ADGRL2: variants seen among roughly 807,000 people sequenced by gnomAD.
ADGRL2 encodes calcium-independent alpha-latrotoxin receptor 2.
In ADGRL2, 44 loss-of-function variants were observed where a neutral mutation model predicts 157.4. The ratio of observed to expected loss-of-function variants is 0.28; its 90% confidence interval spans 0.22 to 0.36. ADGRL2 has a LOEUF of 0.36. Among genes scored for constraint, ADGRL2 ranks in the 10% least tolerant of loss-of-function variants. ADGRL2 has a pLI of 1.00. For synonymous variants in ADGRL2, 585 were observed against 624.7 expected (o/e 0.94, Z 0.95); for missense variants, 1,510 against 1,768.9 (o/e 0.85, Z 2.63).
At chr1:81,445,815 G>T (rs1466184344) in intron 2 of ADGRL2, among the ~76,000 whole-genome samples, 1 of 152,188 alleles carries the variant, frequency 6.6e-6, no homozygotes, top group African/African-American at 2.4e-5. Flanking sequence ...CAAAATGGGA[G>T]AAATTGTCAT....
At chr1:81,506,683 C>T (rs114683660) in intron 2 of ADGRL2, among the ~76,000 whole-genome samples, 5,505 of 152,110 alleles carry the variant, frequency 0.036, 172 homozygotes, top group Middle Eastern at 0.058. Flanking sequence ...GCACTCCAGC[C>T]TGGGTGACTG....
intron 1 of ADGRL2, among the ~76,000 whole-genome samples, chr1:81,714,444 C>T (rs569598892): frequency 2.6e-5 from 4 of 152,236 alleles, no homozygotes; most frequent in African/African-American, 7.2e-5. Flanking sequence ...AATCATTTCA[C>T]CTCAAGCAAT....
At chr1:81,461,286 T>A (rs561871618) in intron 2 of ADGRL2, among the ~76,000 whole-genome samples, 8 of 152,280 alleles carry the variant, frequency 5.3e-5, no homozygotes, top group African/African-American at 1.9e-4. Flanking sequence ...CTTTTCTTTT[T>A]TTTTTCCTTT....
chr1:81,478,221 A>T (rs11163302), intron 2 of ADGRL2, among the ~76,000 whole-genome samples: 4 of 152,084 alleles, frequency 2.6e-5, no homozygotes, highest in African/African-American at 4.8e-5. Flanking sequence ...TACAGTGGGA[A>T]CATCGGAGAG....
chr1:81,741,246 A>G (rs1016225350), intron 1 of ADGRL2, among the ~76,000 whole-genome samples: 4 of 152,078 alleles, frequency 2.6e-5, no homozygotes, highest in African/African-American at 9.6e-5. Context: ...AAAGAAAGGT[A>G]TAAGAAAAAG....
chr1:81,764,778 T>A (rs529623475), intron 2 of ADGRL2, among the ~76,000 whole-genome samples: 2 of 152,198 alleles, frequency 1.3e-5, no homozygotes, highest in East Asian at 3.9e-4. Context: ...ATAAGATTTT[T>A]AAAATAAAAT....
intron 2 of ADGRL2, among the ~76,000 whole-genome samples, chr1:81,549,392 C>A (rs555630620): frequency 6.6e-6 from 1 of 152,264 alleles, no homozygotes; most frequent in South Asian, 2.1e-4. Context: ...GTTTTGGAAG[C>A]CTTACAAAGT....
chr1:81,520,550 T>C (rs565838320), intron 2 of ADGRL2, among the ~76,000 whole-genome samples: 11 of 152,304 alleles, frequency 7.2e-5, no homozygotes, highest in Non-Finnish European at 7.3e-5. Context: ...GGGTGGTTTC[T>C]CCCATGCTGT....
intron 1 of ADGRL2, among the ~76,000 whole-genome samples, chr1:81,441,552 T>C (rs2077507461): frequency 6.6e-6 from 1 of 152,144 alleles, no homozygotes; most frequent in African/African-American, 2.4e-5. Context: ...TGAGACGGAG[T>C]CTCACATTGT....
intron 2 of ADGRL2, among the ~76,000 whole-genome samples, chr1:81,480,262 A>G (rs2078357600): frequency 2.0e-5 from 3 of 152,226 alleles, no homozygotes; most frequent in East Asian, 1.9e-4. Context: ...TTTATAATAG[A>G]CAAAATCATA....
intron 2 of ADGRL2, among the ~76,000 whole-genome samples, chr1:81,516,285 C>T (rs1022782095): frequency 7.9e-5 from 12 of 152,184 alleles, no homozygotes; most frequent in African/African-American, 2.9e-4. Context: ...ATGACCTTTA[C>T]TTGATCCTTG....
chr1:81,924,036 C>G (rs1361036869), intron 3 of ADGRL2, among the ~76,000 whole-genome samples: 1 of 152,172 alleles, frequency 6.6e-6, no homozygotes, highest in African/African-American at 2.4e-5. Flanking sequence ...AGCTGCTGCT[C>G]TAGGAAAAGA....
chr1:81,545,396 C>T (rs940225492), intron 2 of ADGRL2, among the ~76,000 whole-genome samples: 1 of 151,714 alleles, frequency 6.6e-6, no homozygotes, highest in Non-Finnish European at 1.5e-5. Context: ...AAGTGATTCT[C>T]CTGCCTCCCC....
chr1:81,932,621 T>A (rs1329116044), intron 3 of ADGRL2, among the ~76,000 whole-genome samples: 1 of 152,192 alleles, frequency 6.6e-6, no homozygotes, highest in Non-Finnish European at 1.5e-5. Context: ...TTGTTAAATC[T>A]GAGATGGCTG....
At chr1:81,573,112 A>G (rs192640061) in intron 2 of ADGRL2, among the ~76,000 whole-genome samples, 14 of 152,062 alleles carry the variant, frequency 9.2e-5, no homozygotes, top group Admixed American at 5.9e-4. Flanking sequence ...CTCTAATTTA[A>G]TATCTTTCAA....
chr1:81,415,435 C>T (rs578122758), intron 1 of ADGRL2, among the ~76,000 whole-genome samples: 86 of 152,072 alleles, frequency 5.7e-4, no homozygotes, highest in Non-Finnish European at 1.1e-3. Flanking sequence ...AAGATTATTA[C>T]AAAAGAAGCA....
At chr1:81,876,814 A>G (rs1009505817) in intron 2 of ADGRL2, among the ~76,000 whole-genome samples, 3 of 152,146 alleles carry the variant, frequency 2.0e-5, no homozygotes, top group Non-Finnish European at 4.4e-5. Flanking sequence ...ATTTATTGTT[A>G]TTCCCTACCT....
intron 3 of ADGRL2, among the ~76,000 whole-genome samples, chr1:81,686,297 C>G (rs2083227322): frequency 6.6e-6 from 1 of 152,088 alleles, no homozygotes; most frequent in South Asian, 2.1e-4. Context: ...TTTTTAATCA[C>G]CATTTCAATC....
At chr1:81,387,373 T>G (rs917517127) in intron 1 of ADGRL2, among the ~76,000 whole-genome samples, 2 of 152,152 alleles carry the variant, frequency 1.3e-5, no homozygotes, top group African/African-American at 4.8e-5. Context: ...ATTAGGAAAG[T>G]TTTTTTAAGT....
Sources: gnomAD v4.1 joint callset for allele counts (sites outside exome capture counted in the v4.1 genomes callset) on GRCh38, gnomAD v4.1.1 for gene constraint, MANE v1.5 for transcripts, NCBI Gene and HGNC (gene_info 2026-07-23, HGNC 2026-07-21) for gene names.